The following PLXDC2 variants were observed in gnomAD, a reference collection of about 807,000 sequenced individuals.
PLXDC2 encodes plexin domain-containing protein 2.
PLXDC2 carries 40 observed loss-of-function variants against 68.9 expected under a neutral mutation model. That is an observed-to-expected ratio of 0.58 (90% CI 0.45 to 0.76). The LOEUF (loss-of-function observed/expected upper bound fraction) is 0.76, where lower values mean the gene tolerates loss of function less well. Ranked by LOEUF, PLXDC2 falls within the 30% of genes least tolerant of loss-of-function variation. PLXDC2 has a pLI of 0.00. For missense variants in PLXDC2, 644 were observed against 661.9 expected (o/e 0.97, Z 0.30); for synonymous variants, 243 against 234.2 (o/e 1.04, Z -0.34).
intron 1 of PLXDC2, among the ~76,000 whole-genome samples, chr10:19,872,215 G>C (rs1207183914): frequency 6.6e-6 from 1 of 152,230 alleles, no homozygotes; most frequent in Non-Finnish European, 1.5e-5. Context: ...AGGCAACGCA[G>C]GTCAAGTAGG....
intron 3 of PLXDC2, among the ~76,000 whole-genome samples, chr10:20,056,182 C>G (rs1434727418): frequency 6.6e-6 from 1 of 152,124 alleles, no homozygotes; most frequent in African/African-American, 2.4e-5. Context: ...TTTATAGTTA[C>G]TTATGTAGTT....
rs1251867489 is a variant in PLXDC2, at chr10:19,894,277, CT to C, written c.112+77099del. 4.3e-3 allele frequency among the ~76,000 whole-genome samples: 613 copies of C among 142,878 alleles called. 1 individual carries two copies. Among genetic ancestry groups the C allele is most frequent in the African/African-American group, 6.2e-3 (243 of 39,376 alleles). 93.7% of individuals were successfully genotyped at this position (142,878 alleles called of 152,430 possible). A position where few individuals can be genotyped will look rare whatever the true frequency, so the allele number is the denominator to read the frequency against. On this transcript the variant is annotated intron_variant, in intron 1 of 13. Coordinates refer to ENST00000377252, the MANE Select transcript of PLXDC2 (RefSeq NM_032812.9). ...ACAAAAACAAAAAACTGATGTTTTCCTTTTTTTTTTTTTATTAGCACAATCC... is the reference window on the plus strand; with the variant it reads ...ACAAAAACAAAAAACTGATGTTTTCCTTTTTTTTTTTTATTAGCACAATCC...
At chr10:19,821,104 TAAAC>T (rs1259526636) in intron 1 of PLXDC2, among the ~76,000 whole-genome samples, 2 of 152,140 alleles carry the variant, frequency 1.3e-5, no homozygotes, top group East Asian at 3.9e-4. Context: ...TAAAAATAAG[TAAAC>T]AAACAAATAA....
intron 4 of PLXDC2, among the ~76,000 whole-genome samples, chr10:20,102,980 C>T (rs560066183): frequency 2.0e-5 from 3 of 152,168 alleles, no homozygotes; most frequent in Non-Finnish European, 1.5e-5. Flanking sequence ...GACTGAGAAA[C>T]AGCAGCCAAT....
intron 2 of PLXDC2, among the ~76,000 whole-genome samples, chr10:20,012,605 C>T (rs896132157): frequency 4.6e-5 from 7 of 151,764 alleles, no homozygotes; most frequent in Non-Finnish European, 1.0e-4. Context: ...GGATTATACG[C>T]GTCAACCACC....
intron 12 of PLXDC2, among the ~76,000 whole-genome samples, chr10:20,234,346 A>G (rs972429196): frequency 6.6e-6 from 1 of 152,192 alleles, no homozygotes; most frequent in African/African-American, 2.4e-5. Context: ...CATTCAAGAC[A>G]TACAGCTTTA....
intron 1 of PLXDC2, among the ~76,000 whole-genome samples, chr10:19,869,063 A>C (rs185141852): frequency 1.3e-5 from 2 of 152,176 alleles, no homozygotes; most frequent in African/African-American, 2.4e-5. Context: ...TAGAGAACTC[A>C]GGGTTCAAGA....
intron 1 of PLXDC2, among the ~76,000 whole-genome samples, chr10:19,918,708 A>C (rs1396998119): frequency 6.6e-6 from 1 of 152,222 alleles, no homozygotes; most frequent in Non-Finnish European, 1.5e-5. Flanking sequence ...GTACTTTCCC[A>C]TACTTTAATA....
At chr10:19,820,234 G>A (rs185133791) in intron 1 of PLXDC2, among the ~76,000 whole-genome samples, 1 of 152,262 alleles carries the variant, frequency 6.6e-6, no homozygotes, top group East Asian at 1.9e-4. Context: ...ATAAACTCTT[G>A]TCAGGGAGAA....
intron 10 of PLXDC2, among the ~76,000 whole-genome samples, chr10:20,216,703 T>G (rs1166000141): frequency 6.6e-6 from 1 of 152,210 alleles, no homozygotes; most frequent in East Asian, 1.9e-4. Flanking sequence ...AAACACCAAC[T>G]TCTAAGCTAT....
At chr10:20,159,333 A>T (rs957862090) in intron 6 of PLXDC2, among the ~76,000 whole-genome samples, 3 of 152,180 alleles carry the variant, frequency 2.0e-5, no homozygotes, top group Non-Finnish European at 4.4e-5. Flanking sequence ...CCTTTGTGGT[A>T]TCCTTTACTC....
chr10:20,238,748 T>C (rs1293844768), intron 12 of PLXDC2, among the ~76,000 whole-genome samples: 6 of 145,722 alleles, frequency 4.1e-5, no homozygotes, highest in Non-Finnish European at 9.0e-5. Flanking sequence ...TATGTGTGTA[T>C]ATATATATAT....
intron 9 of PLXDC2, among the ~76,000 whole-genome samples, chr10:20,183,410 A>C (rs1030085167): frequency 6.6e-6 from 1 of 152,016 alleles, no homozygotes; most frequent in African/African-American, 2.4e-5. Flanking sequence ...ATACATTTAC[A>C]TACAGGTATG....
intron 1 of PLXDC2, among the ~76,000 whole-genome samples, chr10:19,969,666 T>A (rs532539674): frequency 6.6e-6 from 1 of 152,194 alleles, no homozygotes; most frequent in Non-Finnish European, 1.5e-5. Flanking sequence ...CTCTGAATAT[T>A]CATGAATGCT....
intron 9 of PLXDC2, among the ~76,000 whole-genome samples, chr10:20,179,069 T>C (rs893107000): frequency 6.6e-6 from 1 of 152,160 alleles, no homozygotes; most frequent in African/African-American, 2.4e-5. Context: ...GACGGCATTT[T>C]AATATGTATA....
At chr10:19,939,170 C>G (rs1370743238) in intron 1 of PLXDC2, among the ~76,000 whole-genome samples, 1 of 152,094 alleles carries the variant, frequency 6.6e-6, no homozygotes, top group Non-Finnish European at 1.5e-5. Flanking sequence ...TTGAATAATA[C>G]AAAGTAATCG....
chr10:19,991,492 A>G (rs1834750540), intron 1 of PLXDC2, among the ~76,000 whole-genome samples: 3 of 152,258 alleles, frequency 2.0e-5, no homozygotes, highest in Admixed American at 2.0e-4. Flanking sequence ...ACTACCTTGA[A>G]TTAATCAGAA....
At chr10:20,088,742 G>T (rs1252475089) in intron 4 of PLXDC2, among the ~76,000 whole-genome samples, 3 of 151,830 alleles carry the variant, frequency 2.0e-5, no homozygotes, top group Non-Finnish European at 4.4e-5. Context: ...CTGAAAATTG[G>T]GTATATCAAT....
At chr10:20,195,392 G>A (rs573285298) in intron 9 of PLXDC2, among the ~76,000 whole-genome samples, 11 of 152,150 alleles carry the variant, frequency 7.2e-5, no homozygotes, top group South Asian at 4.1e-4. Flanking sequence ...CAAATCAACC[G>A]TGATTAGAAA....
Sources: allele counts gnomAD v4.1 joint callset (sites outside exome capture counted in the v4.1 genomes callset), GRCh38; gene constraint gnomAD v4.1.1; transcripts MANE v1.5; gene names NCBI Gene and HGNC (gene_info 2026-07-23, HGNC 2026-07-21).